The following RAP1A variants were observed in gnomAD, a reference collection of about 807,000 sequenced individuals.
RAP1A encodes RAP1A, member of RAS oncogene family, also known as ras-related protein Rap-1A.
Under a neutral mutation model 26.4 loss-of-function variants are expected in RAP1A, and 6 were observed. The observed-to-expected ratio is 0.23, with a 90% CI of 0.12 to 0.45. RAP1A has a LOEUF of 0.45. RAP1A is among the 20% of genes least tolerant of loss of function. The pLI, the probability that RAP1A is intolerant of heterozygous loss-of-function variation, is 0.99. For synonymous variants in RAP1A, 73 were observed against 79.4 expected, an observed-to-expected ratio of 0.92 and a Z score of 0.43; for missense variants, 121 against 217.2, an observed-to-expected ratio of 0.56 and a Z score of 2.78.
intron 1 of RAP1A, among the ~76,000 whole-genome samples, chr1:111,552,208 G>A (rs1353707590): frequency 6.6e-6 from 1 of 152,190 alleles, no homozygotes; most frequent in Non-Finnish European, 1.5e-5. Context: ...GGAGTCACCA[G>A]ACAATCAACC....
intron 1 of RAP1A, among the ~76,000 whole-genome samples, chr1:111,549,487 A>G (rs983142527): frequency 2.0e-5 from 3 of 151,554 alleles, no homozygotes; most frequent in African/African-American, 7.3e-5. Context: ...CATCTCCACT[A>G]AAAAATACAA....
At chr1:111,667,932 G>A (rs548952070) in intron 1 of RAP1A, among the ~76,000 whole-genome samples, 4 of 152,168 alleles carry the variant, frequency 2.6e-5, no homozygotes, top group East Asian at 1.9e-4. Flanking sequence ...CATTGCCTTC[G>A]CAGACATAGA....
chr1:111,573,963 A>G (rs1038132486), intron 1 of RAP1A, among the ~76,000 whole-genome samples: 4 of 152,164 alleles, frequency 2.6e-5, no homozygotes, highest in Non-Finnish European at 4.4e-5. Context: ...TAGTTTAATT[A>G]AATACCATTT....
chr1:111,672,263 A>G (rs1298661137), intron 1 of RAP1A, among the ~76,000 whole-genome samples: 1 of 151,950 alleles, frequency 6.6e-6, no homozygotes, highest in Non-Finnish European at 1.5e-5. Flanking sequence ...TTATTTTTCT[A>G]TTGAGTGCTA....
intron 1 of RAP1A, among the ~76,000 whole-genome samples, chr1:111,576,537 T>C (rs1312052207): frequency 1.3e-5 from 2 of 152,342 alleles, no homozygotes; most frequent in East Asian, 3.9e-4. Flanking sequence ...AGAACCCGTC[T>C]GGGTTAAAGC....
chr1:111,549,123 A>G (rs1388573141), intron 1 of RAP1A, among the ~76,000 whole-genome samples: 1 of 152,116 alleles, frequency 6.6e-6, no homozygotes, highest in Non-Finnish European at 1.5e-5. Flanking sequence ...CACAATGGAT[A>G]TTGGTCTGTT....
chr1:111,569,572 A>G (rs940929492), intron 1 of RAP1A, among the ~76,000 whole-genome samples: 3 of 151,738 alleles, frequency 2.0e-5, no homozygotes, highest in Non-Finnish European at 4.4e-5. Context: ...AAAATTAAGG[A>G]CATGAGCTAG....
intron 1 of RAP1A, among the ~76,000 whole-genome samples, chr1:111,606,001 G>T (rs565162969): frequency 1.4e-4 from 21 of 152,308 alleles, no homozygotes; most frequent in African/African-American, 4.8e-4. Context: ...GTCACCAGGG[G>T]CAAGCTGAGG....
At chr1:111,707,237 G>A (rs1055332826) in intron 6 of RAP1A, among the ~76,000 whole-genome samples, 1 of 151,976 alleles carries the variant, frequency 6.6e-6, no homozygotes, top group Non-Finnish European at 1.5e-5. Context: ...TTTTTTAACG[G>A]TTAATTTAGT....
chr1:111,675,340 C>T (rs745774050), intron 1 of RAP1A, among the ~76,000 whole-genome samples: 2 of 151,994 alleles, frequency 1.3e-5, no homozygotes, highest in African/African-American at 2.4e-5. Context: ...GGTGTGGTGG[C>T]GGGCACCTGT....
intron 1 of RAP1A, among the ~76,000 whole-genome samples, chr1:111,548,876 C>T (rs1657139049): frequency 6.6e-6 from 1 of 152,198 alleles, no homozygotes; most frequent in Admixed American, 6.5e-5. Context: ...ATTCATGTCG[C>T]TCTGATATGG....
Position 111,714,645 on chromosome 1 carries a change from A to T in RAP1A, c.*2244A>T, listed in dbSNP as rs987385959. Reference sequence around the variant, plus strand: ...GGCACACAGTGATATGCAGAGCAGGACCAGCTGAAGTCAGATGTGCAAGGA... The same window carrying T: ...GGCACACAGTGATATGCAGAGCAGGTCCAGCTGAAGTCAGATGTGCAAGGA... On this transcript the variant is annotated 3_prime_UTR_variant, in exon 8 of 8. Coordinates refer to ENST00000369709, the MANE Select transcript of RAP1A (RefSeq NM_002884.4). The T allele has an allele frequency of 6.6e-6, 1 of 152,274 alleles. No homozygotes were observed. The highest frequency in any genetic ancestry group is 2.4e-5 in the African/African-American group (1 of 41,478). The allele number at this position is 152,274 out of a possible 1,614,324, so 9.4% of individuals were successfully genotyped here.
intron 1 of RAP1A, among the ~76,000 whole-genome samples, chr1:111,685,266 G>T (rs1181614559): frequency 6.6e-6 from 1 of 152,014 alleles, no homozygotes; most frequent in Non-Finnish European, 1.5e-5. Context: ...AAGCCAAAAT[G>T]CCACAAATGG....
At chr1:111,699,834 T>G (rs1032758027) in intron 4 of RAP1A, among the ~76,000 whole-genome samples, 35 of 152,086 alleles carry the variant, frequency 2.3e-4, no homozygotes, top group Admixed American at 1.9e-3. Context: ...TAACATCTTT[T>G]TATTATCCCT....
intron 1 of RAP1A, among the ~76,000 whole-genome samples, chr1:111,655,892 A>G (rs1557880303): frequency 6.6e-6 from 1 of 151,478 alleles, no homozygotes; most frequent in East Asian, 1.9e-4. Context: ...ACGGGGTTTC[A>G]CCATTCACAG....
chr1:111,601,287 G>A (rs1658666432), intron 1 of RAP1A, among the ~76,000 whole-genome samples: 1 of 151,946 alleles, frequency 6.6e-6, no homozygotes, highest in African/African-American at 2.4e-5. Context: ...GATTGTCCTG[G>A]GTGTCCAGGA....
At chr1:111,685,515 A>T (rs1469765810) in intron 1 of RAP1A, among the ~76,000 whole-genome samples, 1 of 152,182 alleles carries the variant, frequency 6.6e-6, no homozygotes, top group Non-Finnish European at 1.5e-5. Flanking sequence ...CAACAAACAT[A>T]TGAAAAAAAG....
At chr1:111,683,273 GCAAA>G (rs1459142805) in intron 1 of RAP1A, among the ~76,000 whole-genome samples, 1 of 152,036 alleles carries the variant, frequency 6.6e-6, no homozygotes, top group African/African-American at 2.4e-5. Flanking sequence ...AGAAGCAAGA[GCAAA>G]CAAATTCAAA....
intron 1 of RAP1A, among the ~76,000 whole-genome samples, chr1:111,590,672 C>T (rs1029227278): frequency 2.0e-5 from 3 of 151,794 alleles, no homozygotes; most frequent in African/African-American, 4.8e-5. Context: ...CCACCCGCCT[C>T]GGCCTCCCAA....
Sources: allele counts gnomAD v4.1 joint callset (sites outside exome capture counted in the v4.1 genomes callset), GRCh38; gene constraint gnomAD v4.1.1; transcripts MANE v1.5; gene names NCBI Gene and HGNC (gene_info 2026-07-23, HGNC 2026-07-21).